The following PRKCZ variants were observed in gnomAD, a reference collection of about 807,000 sequenced individuals.
PRKCZ encodes protein kinase C zeta, also known as protein kinase C zeta type.
PRKCZ carries 33 observed loss-of-function variants against 79.5 expected under a neutral mutation model. The ratio of observed to expected loss-of-function variants is 0.41; its 90% CI spans 0.31 to 0.55. PRKCZ has a LOEUF of 0.55. PRKCZ is among the 20% of genes least tolerant of loss of function. The probability of loss-of-function intolerance (pLI) is 0.19; values close to 1 mark genes in which losing one functional copy is unlikely to be tolerated. For missense variants in PRKCZ, 578 were observed against 813.5 expected (o/e 0.71, Z 3.52); for synonymous variants, 342 against 320.9 (o/e 1.07, Z -0.70).
chr1:2,055,587 G>T (rs1254085045), intron 2 of PRKCZ, 25 bp downstream of exon 2: 2 of 1,606,308 alleles, frequency 1.2e-6, no homozygotes, highest in Non-Finnish European at 1.7e-6. Flanking sequence ...ATGTTGGCCA[G>T]AATCCTCAGC....
At chr1:2,113,592 C>T (rs1437857734) in intron 4 of PRKCZ, among the ~76,000 whole-genome samples, 1 of 152,154 alleles carries the variant, frequency 6.6e-6, no homozygotes, top group African/African-American at 2.4e-5. Flanking sequence ...ATCCTGACAT[C>T]CTGGAAGGGG....
intron 4 of PRKCZ, chr1:2,073,327 C>T (rs1051008399): frequency 1.3e-5 from 2 of 152,500 alleles, no homozygotes; most frequent in African/African-American, 2.4e-5. Context: ...TGCCTCCTCT[C>T]CTCCCGCTCC....
intron 10 of PRKCZ, 81 bp downstream of exon 10, chr1:2,156,173 C>A: frequency 7.6e-7 from 1 of 1,309,962 alleles, no homozygotes; most frequent in South Asian, 1.2e-5. Flanking sequence ...TGTGATGTGT[C>A]AACTGTCACC....
At chr1:2,066,665 A>G (rs1661149395) in intron 4 of PRKCZ, among the ~76,000 whole-genome samples, 1 of 152,090 alleles carries the variant, frequency 6.6e-6, no homozygotes, top group Non-Finnish European at 1.5e-5. Flanking sequence ...TATTATTCCC[A>G]TCCTTCTGCC....
At chr1:2,138,345 C>T (rs981090724) in intron 5 of PRKCZ, among the ~76,000 whole-genome samples, 1 of 152,116 alleles carries the variant, frequency 6.6e-6, no homozygotes, top group African/African-American at 2.4e-5. Context: ...AGGAAGCGTT[C>T]AGTGGGGGAG....
chr1:2,171,890 TTCCC>T (rs1450284008), intron 11 of PRKCZ, among the ~76,000 whole-genome samples, 161 bp from the exon 12 acceptor site: 2 of 152,190 alleles, frequency 1.3e-5, no homozygotes, highest in Non-Finnish European at 2.9e-5. Flanking sequence ...TCATTGGCAT[TTCCC>T]TCCCTGGCCC....
intron 9 of PRKCZ, among the ~76,000 whole-genome samples, chr1:2,152,917 T>C (rs1680185003): frequency 6.6e-6 from 1 of 152,266 alleles, no homozygotes; most frequent in Non-Finnish European, 1.5e-5. Context: ...GTTCCCACCC[T>C]TGGCTGTTGT....
intron 4 of PRKCZ, among the ~76,000 whole-genome samples, chr1:2,120,293 G>GTTTTTGT (rs1671605798): frequency 6.1e-5 from 2 of 32,842 alleles, no homozygotes; most frequent in East Asian, 1.8e-3. Flanking sequence ...TTGACTTTTC[G>GTTTTTGT]TTTTTTTTTT....
chr1:2,126,349 G>A (rs1199206743), intron 4 of PRKCZ, among the ~76,000 whole-genome samples: 2 of 152,136 alleles, frequency 1.3e-5, no homozygotes, highest in South Asian at 2.1e-4. Context: ...GGTCGTGGTC[G>A]GGGCAGGTGC....
In PRKCZ at chr1:2,082,064, A is replaced by G. The variant is rs1663639839; in HGVS notation, c.334+22473A>G. Reference sequence around the variant, plus strand: ...ATCCGGGCTGCCGTGGTTCCGATCGACTCCGAATAGGACACCACACAGTCG... The same window carrying G: ...ATCCGGGCTGCCGTGGTTCCGATCGGCTCCGAATAGGACACCACACAGTCG... On this transcript the variant is annotated intron_variant, in intron 4 of 17. Transcript: ENST00000378567. The surrounding 1 kb of genome is among the most constrained non-coding windows in gnomAD (Gnocchi z 4.4). Among the ~76,000 whole-genome samples the G allele has an allele frequency of 6.6e-6, 1 of 152,048 alleles. No individual in the cohort carries two copies. Among genetic ancestry groups the G allele is most frequent in the Non-Finnish European group, 1.5e-5 (1 of 68,020 alleles).
chr1:2,161,307 C>T lies in PRKCZ; in HGVS notation c.974+5215C>T, dbSNP rs548696414. Among the ~76,000 whole-genome samples the T allele has an allele frequency of 3.9e-5, 6 of 152,372 alleles. No homozygotes were observed. In the East Asian group the frequency reaches 9.6e-4, roughly 25 times the overall value. On this transcript the variant is annotated intron_variant, in intron 10 of 17. Coordinates refer to ENST00000378567, the MANE Select transcript of PRKCZ (RefSeq NM_002744.6). Reference sequence around the variant, plus strand: ...GGAGCAGGACGCTTGGGCCTGTGGCCCCCACAAGGCTGTGCACGGGAGAAG... The same window carrying T: ...GGAGCAGGACGCTTGGGCCTGTGGCTCCCACAAGGCTGTGCACGGGAGAAG...
intron 4 of PRKCZ, among the ~76,000 whole-genome samples, chr1:2,090,346 G>A (rs1005324199): frequency 3.9e-5 from 6 of 152,192 alleles, no homozygotes; most frequent in Admixed American, 6.5e-5. Context: ...GAAGGGGCCC[G>A]TGCACCCATG....
At position 2,148,915 on chromosome 1, in the gene PRKCZ, C is replaced by G. The variant is rs376968073; in HGVS notation, c.678C>G (p.Asp226Glu). 2 of 1,613,830 alleles carry G rather than the reference C, an allele frequency of 1.2e-6. No homozygotes were observed. The highest frequency in any genetic ancestry group is 1.1e-5 in the South Asian group (1 of 91,082). ...SSSRKHDSIK[D>E]DSEDLKPVID... is the part of the protein sequence containing the mutation. ...CCCGGAAGCATGACAGCATTAAAGA[C>G]GACTCGGAGGTGAGTGTGTGGAGCA... The change falls in exon 8 of 18, where the codon GAC becomes GAG. Residue 226 changes from aspartate (D) to glutamate (E), a missense_variant. This residue lies in a region of PRKCZ where 91 missense variants were observed against 97.5 expected (regional missense o/e 0.93). Transcript: ENST00000378567.
Position 2,168,297 on chromosome 1 carries a change from G to A in PRKCZ, c.975-1221G>A, listed in dbSNP as rs1000067811. Among the ~76,000 whole-genome samples, 1 of 152,198 alleles carries A rather than the reference G, an allele frequency of 6.6e-6. No homozygotes were observed. The highest frequency in any genetic ancestry group is 6.5e-5 in the Admixed American group (1 of 15,284). On this transcript the variant is annotated intron_variant, in intron 10 of 17. Transcript: ENST00000378567. This position sits in a 1 kb window ranked among gnomAD's most constrained non-coding sequence, Gnocchi z 4.7. Reference sequence around the variant, plus strand: ...AACTTTATTTACAAAACAGGGAGCAGTGGACCAGCGAGTCCCCAAGGACAA... The same window carrying A: ...AACTTTATTTACAAAACAGGGAGCAATGGACCAGCGAGTCCCCAAGGACAA...
chr1:2,076,946 G>A (rs1571195569), intron 4 of PRKCZ, among the ~76,000 whole-genome samples: 1 of 152,140 alleles, frequency 6.6e-6, no homozygotes, highest in African/African-American at 2.4e-5. Context: ...CACCCACCAT[G>A]CTCGGGACTG....
chr1:2,119,362 C>T (rs1671402239), intron 4 of PRKCZ, among the ~76,000 whole-genome samples: 1 of 151,630 alleles, frequency 6.6e-6, no homozygotes, highest in South Asian at 2.1e-4. Context: ...TTACAGGTGC[C>T]CACCACCATG....
intron 4 of PRKCZ, among the ~76,000 whole-genome samples, chr1:2,109,459 T>C (rs4648807): frequency 0.52 from 79,818 of 152,154 alleles, 22,003 homozygotes; most frequent in Middle Eastern, 0.63. Context: ...CTCACTGAAT[T>C]GTCCTGAGAT....
At chr1:2,117,289 C>T (rs974320876) in intron 4 of PRKCZ, among the ~76,000 whole-genome samples, 1 of 152,032 alleles carries the variant, frequency 6.6e-6, no homozygotes, top group Non-Finnish European at 1.5e-5. Context: ...TTGTGTGTAG[C>T]GGTCATCCAC....
intron 4 of PRKCZ, among the ~76,000 whole-genome samples, chr1:2,068,178 C>T (rs1455209805): frequency 2.0e-5 from 3 of 152,238 alleles, no homozygotes; most frequent in African/African-American, 7.2e-5. Flanking sequence ...CTGCAAGCCA[C>T]AGCCCGGCCC....
Sources: gnomAD v4.1 joint callset for allele counts (sites outside exome capture counted in the v4.1 genomes callset) on GRCh38, gnomAD v4.1.1 for gene constraint, gnomAD v4.1.1 regional missense constraint, Gnocchi (gnomAD v3.1) non-coding constraint, MANE v1.5 for transcripts, NCBI Gene and HGNC (gene_info 2026-07-23, HGNC 2026-07-21) for gene names.